The following AMIGO2 variants were observed in gnomAD, a reference collection of about 807,000 sequenced individuals.
The protein encoded by AMIGO2 is amphoterin-induced protein 2.
A neutral mutation model predicts 23.7 loss-of-function variants in AMIGO2; 15 were observed. The observed-to-expected ratio is 0.63, with a 90% confidence interval of 0.42 to 0.98. The LOEUF (loss-of-function observed/expected upper bound fraction) is 0.98. Ranked by LOEUF, AMIGO2 falls within the 50% of genes least tolerant of loss-of-function variation. AMIGO2 has a pLI of 0.00. For synonymous variants in AMIGO2, 264 were observed against 252.3 expected (o/e 1.05, Z -0.44); for missense variants, 561 against 633.1 (o/e 0.89, Z 1.22).
At position 47,078,129 on chromosome 12, in the gene AMIGO2, G is replaced by C. The variant is rs766866377; in HGVS notation, c.874C>G (p.Arg292Gly). The C allele has an allele frequency of 5.2e-5, 84 of 1,614,032 alleles. No individual in the cohort carries two copies. Among genetic ancestry groups the C allele is most frequent in the Non-Finnish European group, 1.7e-5 (20 of 1,180,048 alleles). ...CSDSIINGSF[R>G]ALGFIHEAQV... ...GCCTCATGAATAAAGCCAAGCGCACGAAAGGAACCATTGATGATGCTGTCA... is the reference window on the plus strand; with the variant it reads ...GCCTCATGAATAAAGCCAAGCGCACCAAAGGAACCATTGATGATGCTGTCA... The change falls in exon 3 of 3, where the codon CGT becomes GGT. Residue 292 changes from arginine to glycine, a missense_variant. By Grantham distance (125) the Arg-to-Gly change is moderately radical. Transcript: ENST00000550413.
rs1467912298 is a variant in AMIGO2 at position 47,077,441 on chromosome 12, G to A, written c.1562C>T (p.Ser521Phe). ...SVFSDTPFVA[S>F]T Reference sequence around the variant, plus strand: ...TACAAATATAGGCACAAATTAAGTGGACGCCACAAAAGGTGTGTCAGAAAA... The same window carrying A: ...TACAAATATAGGCACAAATTAAGTGAACGCCACAAAAGGTGTGTCAGAAAA... The change falls in exon 3 of 3, where the codon TCC becomes TTC. Residue 521 changes from serine (S) to phenylalanine (F), a missense_variant. Transcript: ENST00000550413. 10 of 1,609,750 alleles carry A rather than the reference G, an allele frequency of 6.2e-6. No homozygotes were observed. Among genetic ancestry groups the A allele is most frequent in the South Asian group, 2.2e-5 (2 of 90,918 alleles).
At position 47,078,242 on chromosome 12, in the gene AMIGO2, A is replaced by C; in HGVS notation, c.761T>G (p.Phe254Cys). The C allele has an allele frequency of 6.2e-7, 1 of 1,614,206 alleles. No individual in the cohort carries two copies. Among genetic ancestry groups the C allele is most frequent in the Non-Finnish European group, 8.5e-7 (1 of 1,180,032 alleles). Residue 254 changes from phenylalanine to cysteine, a missense_variant, in exon 3 of 3, where the codon TTT (phenylalanine) becomes TGT (cysteine). Coordinates refer to ENST00000550413, the MANE Select transcript of AMIGO2 (RefSeq NM_001370299.1). ...CAGGCGACAGGTGTAATCGTTCTTAAAATCCATCACTGAGCTAAAGTGCCT... is the reference window on the plus strand; with the variant it reads ...CAGGCGACAGGTGTAATCGTTCTTACAATCCATCACTGAGCTAAAGTGCCT... ...YRRHFSSVMD[F>C]KNDYTCRLWS...
Position 47,078,017 on chromosome 12 carries a change from CTGT to C in AMIGO2, c.983_985del (p.Asn328del). The C allele has an allele frequency of 6.2e-7, 1 of 1,614,032 alleles. No homozygotes were observed. ...CATCTCTTTATCCGGCTCTAGCAGT[CTGT>C]TATCTGGACCCACCCAGATGAAATC... On this transcript the variant is annotated inframe_deletion, in exon 3 of 3. Transcript: ENST00000550413.
In AMIGO2 at chr12:47,077,862, T is replaced by A. The variant is rs541496466; in HGVS notation, c.1141A>T (p.Asn381Tyr). ...LLNETVDVTI[N>Y]VSNFTVSRSH... is the part of the protein sequence containing the mutation. ...CTGCTTACAGTGAAATTGCTCACATTTATTGTGACGTCCACAGTTTCATTT... is the reference window on the plus strand; with the variant it reads ...CTGCTTACAGTGAAATTGCTCACATATATTGTGACGTCCACAGTTTCATTT... The change falls in exon 3 of 3, where the codon AAT becomes TAT. Residue 381 changes from asparagine (N) to tyrosine (Y), a missense_variant. Asn to Tyr is a moderately radical substitution (Grantham distance 143). Coordinates refer to ENST00000550413, the MANE Select transcript of AMIGO2 (RefSeq NM_001370299.1). 10 of 1,614,206 alleles carry A rather than the reference T, an allele frequency of 6.2e-6. No homozygotes were observed. The South Asian group carries it at 9.9e-5, about 16-fold the overall frequency.
At chr12:47,076,084 T>C (rs894899500), downstream of AMIGO2, 1 of 152,238 alleles carries the variant, frequency 6.6e-6, no homozygotes, top group African/African-American at 2.4e-5. Context: ...ATCCCATTCC[T>C]GTATTCCTTC....
Position 47,078,727 on chromosome 12 carries a change from A to G in AMIGO2, c.276T>C (p.Phe92=). The G allele has an allele frequency of 1.9e-6, 3 of 1,614,254 alleles. No individual in the cohort carries two copies. Among genetic ancestry groups the G allele is most frequent in the Non-Finnish European group, 2.5e-6 (3 of 1,180,050 alleles). ...GAAGAATTAGGGTGTTCAGCTTTGC[A>G]AACGATACTGGAATCCACTCAGAAT... ...LLDSEWIPVS[F]AKLNTLILRH... is the part of the protein sequence containing the mutation. The change falls in exon 3 of 3, where the codon TTT becomes TTC. Residue 92 remains phenylalanine, a synonymous_variant. Transcript: ENST00000550413.
Position 47,077,990 on chromosome 12 carries a change from T to G in AMIGO2, c.1013A>C (p.Glu338Ala). The G allele has an allele frequency of 6.2e-7, 1 of 1,613,900 alleles. No homozygotes were observed. Among genetic ancestry groups the G allele is most frequent in the East Asian group, 2.2e-5 (1 of 44,888 alleles). The stretch of plus-strand genomic sequence containing the variant: ...TCCATTGTGAAACACGTAAAAGTTT[T>G]CCATCTCTTTATCCGGCTCTAGCAG... ...NRLLEPDKEM[E>A]NFYVFHNGSL... Residue 338 changes from glutamate (E) to alanine (A), a missense_variant, in exon 3 of 3, where the codon GAA becomes GCA. Glu to Ala is a moderately radical substitution (Grantham distance 107, BLOSUM62 -1). Transcript: ENST00000550413.
intron 1 of AMIGO2, 70 bp from the exon 2 acceptor site, chr12:47,079,318 A>T: frequency 3.9e-6 from 1 of 254,886 alleles, no homozygotes; most frequent in Non-Finnish European, 7.4e-6. Context: ...CAGAAACTCA[A>T]TTTTTTCCTA....
chr12:47,077,579 G>A lies in AMIGO2; in HGVS notation c.1424C>T (p.Thr475Ile), dbSNP rs372187703. 3 of 1,614,082 alleles carry A rather than the reference G, an allele frequency of 1.9e-6. No homozygotes were observed. The highest frequency in any genetic ancestry group is 2.5e-6 in the Non-Finnish European group (3 of 1,180,038). ...RVVFLEPLKDTAAGQNGKVRL... is the reference protein window; with the variant it reads ...RVVFLEPLKDIAAGQNGKVRL... ...GACTTTCCCGTTCTGCCCTGCTGCA[G>A]TATCCTTCAGGGGTTCCAAAAACAC... The change falls in exon 3 of 3, where the codon ACT becomes ATT. Residue 475 changes from threonine (T) to isoleucine (I), a missense_variant. Physicochemically the swap from Thr to Ile is moderately conservative, Grantham distance 89. Transcript: ENST00000550413.
Position 47,079,262 on chromosome 12 carries a change from T to G in AMIGO2, c.-170-14A>C, listed in dbSNP as rs1041247720. Reference sequence around the variant, plus strand: ...CCTGGGTTAGTCCTGCTTATAAAAATGTACAGTCACATTCTCTCCATACAA... The same window carrying G: ...CCTGGGTTAGTCCTGCTTATAAAAAGGTACAGTCACATTCTCTCCATACAA... On this transcript the variant is annotated splice_polypyrimidine_tract_variant and intron_variant, in intron 1 of 2. Transcript: ENST00000550413. 1 of 419,342 alleles carries G rather than the reference T, an allele frequency of 2.4e-6. No homozygotes were observed. The highest frequency in any genetic ancestry group is 2.0e-5 in the African/African-American group (1 of 49,484). The allele number at this position is 419,342 out of a possible 1,614,324, so 26.0% of individuals were successfully genotyped here. A position where few individuals can be genotyped will look rare whatever the true frequency, so the allele number is the denominator to read the frequency against.
In AMIGO2 at chr12:47,077,649, C is replaced by A. The variant is rs572355694; in HGVS notation, c.1354G>T (p.Asp452Tyr). The A allele has an allele frequency of 6.2e-7, 1 of 1,614,242 alleles. No homozygotes were observed. The highest frequency in any genetic ancestry group is 1.1e-5 in the South Asian group (1 of 91,088). Residue 452 changes from aspartate (D) to tyrosine (Y), a missense_variant, in exon 3 of 3, where the codon GAT (aspartate) becomes TAT (tyrosine). Coordinates refer to ENST00000550413, the MANE Select transcript of AMIGO2 (RefSeq NM_001370299.1). ...GCCTTCCGTTCATCAGCGGAGGCAT[C>A]ACTAGCGGGGCCAGGACTGAGAATC... ...SSILSPGPAS[D>Y]ASADERKAGA...
chr12:47,079,020 CTCTTCCCGGTG>C lies in AMIGO2; in HGVS notation c.-29_-19del. On this transcript the variant is annotated 5_prime_UTR_variant, in exon 3 of 3. Coordinates refer to ENST00000550413, the MANE Select transcript of AMIGO2 (RefSeq NM_001370299.1). ...AACGACATTATGGTCGCCTCTGAGT[CTCTTCCCGGTG>C]TCTTTTCCACCGGCTCAGCCTCCCA... is the stretch of plus-strand genomic sequence containing the variant. The C allele has an allele frequency of 1.3e-6, 2 of 1,548,768 alleles. No homozygotes were observed.
chr12:47,077,750 T>C lies in AMIGO2; in HGVS notation c.1253A>G (p.Tyr418Cys). The change falls in exon 3 of 3, where the codon TAT becomes TGT. Residue 418 changes from tyrosine (Y) to cysteine (C), a missense_variant. Tyr to Cys is a radical substitution (Grantham distance 194). Transcript: ENST00000550413. ...ACACTTGCAGGGGCATGGAGTCAGA[T>C]AGAGGTACAAAAGTACCAAAACGAT... is the stretch of plus-strand genomic sequence containing the variant. Reference protein sequence around the residue: ...ASIVLVLLYLYLTPCPCKCKT... With the variant: ...ASIVLVLLYLCLTPCPCKCKT... 2.5e-6 allele frequency: 4 copies of C among 1,614,188 alleles called. No individual in the cohort carries two copies. The highest frequency in any genetic ancestry group is 2.5e-6 in the Non-Finnish European group (3 of 1,180,028).
chr12:47,077,191 A>T lies in AMIGO2; in HGVS notation c.*243T>A. On this transcript the variant is annotated 3_prime_UTR_variant, in exon 3 of 3. Coordinates refer to ENST00000550413, the MANE Select transcript of AMIGO2 (RefSeq NM_001370299.1). ...TTGGGCCTACTCTGAAATTACCAATAGTGCTAAAAGCTAAGATATTGTGAT... is the reference window on the plus strand; with the variant it reads ...TTGGGCCTACTCTGAAATTACCAATTGTGCTAAAAGCTAAGATATTGTGAT... The T allele has an allele frequency of 2.1e-6, 1 of 486,600 alleles. No homozygotes were observed. The highest frequency in any genetic ancestry group is 3.6e-6 in the Non-Finnish European group (1 of 280,616). The allele number at this position is 486,600 out of a possible 1,614,324, so 30.1% of individuals were successfully genotyped here.
Position 47,078,229 on chromosome 12 carries a change from G to C in AMIGO2, c.774C>G (p.Tyr258Ter). 1 of 1,614,166 alleles carries C rather than the reference G, an allele frequency of 6.2e-7. No homozygotes were observed. The highest frequency in any genetic ancestry group is 8.5e-7 in the Non-Finnish European group (1 of 1,180,030). ...FSSVMDFKND[Y>*]TCRLWSDSRH... Reference sequence around the variant, plus strand: ...TGGAGTCAGACCACAGGCGACAGGTGTAATCGTTCTTAAAATCCATCACTG... The same window carrying C: ...TGGAGTCAGACCACAGGCGACAGGTCTAATCGTTCTTAAAATCCATCACTG... The change falls in exon 3 of 3, where the codon TAC (tyrosine) becomes TAG (stop). Residue 258 changes from tyrosine (Y) to a stop codon, truncating the protein, a stop_gained. Coordinates refer to ENST00000550413, the MANE Select transcript of AMIGO2 (RefSeq NM_001370299.1). LOFTEE classifies it high-confidence loss of function.
chr12:47,079,097 A>G, intron 2 of AMIGO2, 32 bp from the exon 3 acceptor site: 1 of 1,496,928 alleles, frequency 6.7e-7, no homozygotes, highest in Non-Finnish European at 8.9e-7. Context: ...AGAGGGAGTA[A>G]AAAGCAGAAA....
In AMIGO2 at chr12:47,078,960, C is replaced by T; in HGVS notation, c.43G>A (p.Val15Ile). 1 of 1,613,424 alleles carries T rather than the reference C, an allele frequency of 6.2e-7. No individual in the cohort carries two copies. Among genetic ancestry groups the T allele is most frequent in the African/African-American group, 1.3e-5 (1 of 75,028 alleles). ...AGCTCCCTGCAGCCCGGTCTGACGA[C>T]GGCTCCAAGCAGGGTGGGCAGAGTG... is the stretch of plus-strand genomic sequence containing the variant. ...VHTLPTLLGA[V>I]VRPGCRELLC... The change falls in exon 3 of 3, where the codon GTC becomes ATC. Residue 15 changes from valine to isoleucine, a missense_variant. Coordinates refer to ENST00000550413, the MANE Select transcript of AMIGO2 (RefSeq NM_001370299.1).
rs759997612 is a variant in AMIGO2 at position 47,078,210 on chromosome 12, C to G, written c.793G>C (p.Asp265His). ...KNDYTCRLWS[D>H]SRHSRQVLLL... The stretch of plus-strand genomic sequence containing the variant: ...AGTACCTGACGCGAGTGCCTGGAGT[C>G]AGACCACAGGCGACAGGTGTAATCG... Residue 265 changes from aspartate to histidine, a missense_variant, in exon 3 of 3, where the codon GAC becomes CAC. By Grantham distance (81) the Asp-to-His change is moderately conservative (BLOSUM62 -1). Transcript: ENST00000550413. 14 of 1,614,046 alleles carry G rather than the reference C, an allele frequency of 8.7e-6. No homozygotes were observed. Among genetic ancestry groups the G allele is most frequent in the Non-Finnish European group, 7.6e-6 (9 of 1,180,044 alleles).
At position 47,078,286 on chromosome 12, in the gene AMIGO2, C is replaced by T. The variant is rs1262571366; in HGVS notation, c.717G>A (p.Leu239=). 3 of 1,613,906 alleles carry T rather than the reference C, an allele frequency of 1.9e-6. No homozygotes were observed. Among genetic ancestry groups the T allele is most frequent in the Non-Finnish European group, 2.5e-6 (3 of 1,180,044 alleles). The part of the protein sequence containing the change: ...PFVCDCSLYS[L]LVFWYRRHFS... The stretch of plus-strand genomic sequence containing the variant: ...AGTGCCTACGATACCAAAAGACCAG[C>T]AAGGAGTACAGGGAACAGTCACAGA... The change falls in exon 3 of 3, where the codon TTG becomes TTA. Residue 239 remains leucine, a synonymous_variant. Coordinates refer to ENST00000550413, the MANE Select transcript of AMIGO2 (RefSeq NM_001370299.1).
Sources: allele counts gnomAD v4.1 joint callset, GRCh38; gene constraint gnomAD v4.1.1; transcripts MANE v1.5; gene names NCBI Gene and HGNC (gene_info 2026-07-23, HGNC 2026-07-21).